Variants in RP1L1 observed in about 807,000 individuals in gnomAD.
RP1L1 encodes the protein retinitis pigmentosa 1-like 1 protein.
RP1L1 carries 27 observed loss-of-function variants against 15.7 expected under a neutral mutation model. The observed-to-expected ratio is 1.72, with a 90% CI of 1.27 to 2.38. The LOEUF (loss-of-function observed/expected upper bound fraction) is 2.38. Ranked by LOEUF, RP1L1 falls within the 30% of genes most tolerant of loss-of-function variation. The probability of loss-of-function intolerance (pLI) is 0.00; values close to 1 mark genes in which losing one functional copy is unlikely to be tolerated. For missense variants in RP1L1, 4,798 were observed against 3,075.9 expected (o/e 1.56, Z -13.24); for synonymous variants, 1,813 against 1,276.7 (o/e 1.42, Z -8.96).
Position 10,611,689 on chromosome 8 carries a change from G to A in RP1L1, c.2409C>T (p.Ser803=), listed in dbSNP as rs547863925. The change falls in exon 4 of 4, where the codon TCC becomes TCT. Residue 803 remains serine (S), a synonymous_variant. Transcript: ENST00000382483. ...GEEARDTPQP[S]SPLVLQVGRP... The stretch of plus-strand genomic sequence containing the variant: ...GTCCAACCTGCAGAACCAAGGGTGA[G>A]GAGGGCTGAGGCGTGTCCCTGGCCT... 38 of 1,613,474 alleles carry A rather than the reference G, an allele frequency of 2.4e-5. No individual in the cohort carries two copies. The African/African-American group carries it at 4.4e-4, about 19-fold the overall frequency.
chr8:10,611,387 T>A lies in RP1L1; in HGVS notation c.2711A>T (p.Asn904Ile). 1.2e-6 allele frequency: 2 copies of A among 1,607,566 alleles called. No homozygotes were observed. The highest frequency in any genetic ancestry group is 1.3e-5 in the African/African-American group (1 of 74,882). Residue 904 changes from asparagine (N) to isoleucine (I), a missense_variant, in exon 4 of 4, where the codon AAT becomes ATT. Coordinates refer to ENST00000382483, the MANE Select transcript of RP1L1 (RefSeq NM_178857.6). ...ACTGCTTCTCCTTGATGCCCCTGAA[T>A]TGGGGCCTGGGGACGGCGTGGGGCC... ...QPGPTPSPGP[N>I]SGASRRSSAS...
In RP1L1 at chr8:10,612,388, C is replaced by T; in HGVS notation, c.1710G>A (p.Glu570=). 2 of 1,612,830 alleles carry T rather than the reference C, an allele frequency of 1.2e-6. No individual in the cohort carries two copies. Among genetic ancestry groups the T allele is most frequent in the South Asian group, 2.2e-5 (2 of 91,092 alleles). ...GGGCTGGAGAAGCGGGGTCGCCTCC[C>T]TCGCTGGCCTCCTGCTGAGAGGTCT... is the stretch of plus-strand genomic sequence containing the variant. The part of the protein sequence containing the change: ...RAETSQQEAS[E]GGDPASPALS... Residue 570 remains glutamate (E), a synonymous_variant, in exon 4 of 4, where the codon GAG becomes GAA. Transcript: ENST00000382483.
chr8:10,625,687 A>G (rs773224055), intron 1 of RP1L1, among the ~76,000 whole-genome samples: 3 of 152,198 alleles, frequency 2.0e-5, no homozygotes, highest in Non-Finnish European at 4.4e-5. Flanking sequence ...GGAGGCTCCA[A>G]CATTTTGCTT....
At position 10,606,955 on chromosome 8, in the gene RP1L1, G is replaced by C. The variant is rs112520779; in HGVS notation, c.7143C>G (p.Leu2381=). 7 of 1,614,230 alleles carry C rather than the reference G, an allele frequency of 4.3e-6. No individual in the cohort carries two copies. Among genetic ancestry groups the C allele is most frequent in the Non-Finnish European group, 5.9e-6 (7 of 1,180,052 alleles). Residue 2381 remains leucine (L), a synonymous_variant, in exon 4 of 4, where the codon CTC becomes CTG. Coordinates refer to ENST00000382483, the MANE Select transcript of RP1L1 (RefSeq NM_178857.6). The part of the protein sequence containing the change: ...DLQEDQALGS[L]APTEAVGRAD... ...CCCTGCCCACTGCCTCAGTGGGGGC[G>C]AGACTTCCGAGTGCCTGGTCCTCTT... is the stretch of plus-strand genomic sequence containing the variant.
At chr8:10,642,429 C>A (rs980029325) in intron 1 of RP1L1, among the ~76,000 whole-genome samples, 1 of 152,222 alleles carries the variant, frequency 6.6e-6, no homozygotes, top group African/African-American at 2.4e-5. Context: ...TCCCCCCTTG[C>A]TCCTTGCTTC....
At position 10,608,901 on chromosome 8, in the gene RP1L1, C is replaced by A. The variant is rs778031029; in HGVS notation, c.5197G>T (p.Gly1733Trp). 1.9e-6 allele frequency: 3 copies of A among 1,614,046 alleles called. No homozygotes were observed. Among genetic ancestry groups the A allele is most frequent in the Middle Eastern group, 1.6e-4 (1 of 6,062 alleles). Residue 1733 changes from glycine (G) to tryptophan (W), a missense_variant, in exon 4 of 4, where the codon GGG becomes TGG. Physicochemically the swap from Gly to Trp is radical, Grantham distance 184. Coordinates refer to ENST00000382483, the MANE Select transcript of RP1L1 (RefSeq NM_178857.6). ...TCCACTCCAGGCCCCTGGCTCAGCC[C>A]CGGCCCCAGCCCTCCCTCAGCTCCC... Reference protein sequence around the residue: ...VQGAEGGLGPGLSQGPGVDEG... With the variant: ...VQGAEGGLGPWLSQGPGVDEG...
At chr8:10,651,326 T>C (rs902005576) in intron 1 of RP1L1, among the ~76,000 whole-genome samples, 3 of 152,238 alleles carry the variant, frequency 2.0e-5, no homozygotes, top group Admixed American at 6.5e-5. Context: ...CAGCGCTCTC[T>C]CTCTGATTTG....
rs778490862 is a variant in RP1L1, at chr8:10,609,208, G to A, written c.4890C>T (p.Ser1630=). Residue 1630 remains serine (S), a synonymous_variant, in exon 4 of 4, where the codon TCC becomes TCT. Coordinates refer to ENST00000382483, the MANE Select transcript of RP1L1 (RefSeq NM_178857.6). ...GGGCTGGCTCGTCCTCCAGGGTGAA[G>A]GAGAGGGGCCCCAGGCCCAGGGTCC... ...SERTLGLGPL[S]FTLEDEPALS... is the part of the protein sequence containing the mutation. The A allele has an allele frequency of 2.0e-5, 32 of 1,610,626 alleles. No individual in the cohort carries two copies. Among genetic ancestry groups the A allele is most frequent in the Non-Finnish European group, 2.4e-5 (28 of 1,179,944 alleles).
At chr8:10,651,585 G>A (rs1798562859) in intron 1 of RP1L1, among the ~76,000 whole-genome samples, 1 of 151,756 alleles carries the variant, frequency 6.6e-6, no homozygotes, top group Admixed American at 6.6e-5. Flanking sequence ...AAATTAGCTG[G>A]GTGTGGTGTC....
intron 1 of RP1L1, among the ~76,000 whole-genome samples, chr8:10,624,229 T>C (rs1297488725): frequency 1.3e-5 from 2 of 152,146 alleles, no homozygotes; most frequent in African/African-American, 4.8e-5. Context: ...TTTCTGAGCA[T>C]CTATTGCATC....
At position 10,612,045 on chromosome 8, in the gene RP1L1, G is replaced by C; in HGVS notation, c.2053C>G (p.Gln685Glu). The change falls in exon 4 of 4, where the codon CAA becomes GAA. Residue 685 changes from glutamine (Q) to glutamate (E), a missense_variant. Coordinates refer to ENST00000382483, the MANE Select transcript of RP1L1 (RefSeq NM_178857.6). ...HSPLDSSVTK[Q>E]VPRPPERRRA... ...CGCCGCTCAGGAGGCCTCGGCACTT[G>C]CTTGGTTACAGAGGAGTCCAGTGGG... The C allele has an allele frequency of 6.2e-7, 1 of 1,613,896 alleles. No homozygotes were observed. Among genetic ancestry groups the C allele is most frequent in the Non-Finnish European group, 8.5e-7 (1 of 1,180,032 alleles).
chr8:10,607,828 T>C lies in RP1L1; in HGVS notation c.6270A>G (p.Ala2090=). The C allele has an allele frequency of 6.3e-7, 1 of 1,590,080 alleles. No individual in the cohort carries two copies. Among genetic ancestry groups the C allele is most frequent in the Non-Finnish European group, 8.6e-7 (1 of 1,164,758 alleles). ...PESEDVDAQE[A]EGEAQPESEG... is the part of the protein sequence containing the mutation. Reference sequence around the variant, plus strand: ...CTGATTCTGGCTGGGCCTCCCCTTCTGCCTCCTGGGCATCTACATCTTCTG... The same window carrying C: ...CTGATTCTGGCTGGGCCTCCCCTTCCGCCTCCTGGGCATCTACATCTTCTG... The change falls in exon 4 of 4, where the codon GCA becomes GCG. Residue 2090 remains alanine, a synonymous_variant. Transcript: ENST00000382483.
Position 10,610,067 on chromosome 8 carries a change from G to T in RP1L1, c.4031C>A (p.Thr1344Lys). ...TTCTTCTTGCTGTCCTTCTCCTTCT[G>T]TTTCTTTAGTTTCCTCTAACTGCAC... ...EGVQLEETKETEGEGQQEEEA... is the reference protein window; with the variant it reads ...EGVQLEETKEKEGEGQQEEEA... The change falls in exon 4 of 4, where the codon ACA becomes AAA. Residue 1344 changes from threonine (T) to lysine (K), a missense_variant. Transcript: ENST00000382483. 2 of 934,006 alleles carry T rather than the reference G, an allele frequency of 2.1e-6. No individual in the cohort carries two copies. Among genetic ancestry groups the T allele is most frequent in the Non-Finnish European group, 2.9e-6 (2 of 683,722 alleles). The allele number at this position is 934,006 out of a possible 1,614,324, so 57.9% of individuals were successfully genotyped here.
At chr8:10,638,421 G>A (rs909088546) in intron 1 of RP1L1, among the ~76,000 whole-genome samples, 1 of 152,028 alleles carries the variant, frequency 6.6e-6, no homozygotes, top group Non-Finnish European at 1.5e-5. Flanking sequence ...AGGAAGAATT[G>A]CAATAATTCC....
At chr8:10,614,270 G>A (rs61438361) in intron 3 of RP1L1, among the ~76,000 whole-genome samples, 3,702 of 152,278 alleles carry the variant, frequency 0.024, 161 homozygotes, top group African/African-American at 0.084. Flanking sequence ...TGCAGGGAAG[G>A]ACCTGGGCGA....
At chr8:10,652,787 C>A (rs1323053762) in intron 1 of RP1L1, among the ~76,000 whole-genome samples, 3 of 152,214 alleles carry the variant, frequency 2.0e-5, no homozygotes, top group African/African-American at 7.2e-5. Flanking sequence ...TATCTCCTCC[C>A]GTCCTCTGTG....
At chr8:10,635,274 C>A (rs1019590094) in intron 1 of RP1L1, among the ~76,000 whole-genome samples, 1 of 150,060 alleles carries the variant, frequency 6.7e-6, no homozygotes, top group Non-Finnish European at 1.5e-5. Context: ...TTAGCCTCAG[C>A]AGCCCATAAT....
At chr8:10,649,572 A>G (rs1470699530) in intron 1 of RP1L1, among the ~76,000 whole-genome samples, 1 of 152,180 alleles carries the variant, frequency 6.6e-6, no homozygotes, top group Non-Finnish European at 1.5e-5. Flanking sequence ...GGGAAGGCTC[A>G]CAAATACCTA....
chr8:10,623,391 G>C lies in RP1L1; in HGVS notation c.-19-171C>G, dbSNP rs147819846. The stretch of plus-strand genomic sequence containing the variant: ...GAACAGAAGGAAGGACAAAAGTTGG[G>C]CATGGGACAGATCTGAGTTCAAACT... On this transcript the variant is annotated intron_variant, in intron 1 of 3. Transcript: ENST00000382483. Among the ~76,000 whole-genome samples the C allele has an allele frequency of 2.6e-3, 401 of 152,294 alleles. 4 individuals are homozygous for C. The highest frequency in any genetic ancestry group is 9.1e-3 in the African/African-American group (376 of 41,540).
Sources: gnomAD v4.1 joint callset for allele counts (sites outside exome capture counted in the v4.1 genomes callset) on GRCh38, gnomAD v4.1.1 for gene constraint, MANE v1.5 for transcripts, NCBI Gene and HGNC (gene_info 2026-07-23, HGNC 2026-07-21) for gene names.